Variants in GRM1 observed in about 807,000 individuals in gnomAD.
The protein encoded by GRM1 is glutamate metabotropic receptor 1.
A neutral mutation model predicts 90.9 loss-of-function variants in GRM1; 33 were observed. That is an observed-to-expected ratio of 0.36 (90% CI 0.28 to 0.49). The LOEUF (loss-of-function observed/expected upper bound fraction) is 0.49, where lower values mean the gene tolerates loss of function less well. Ranked by LOEUF, GRM1 falls within the 20% of genes least tolerant of loss-of-function variation. The pLI is 0.99. For synonymous variants in GRM1, 700 were observed against 613.2 expected (o/e 1.14, Z -2.09); for missense variants, 1,190 against 1,534.3 (o/e 0.78, Z 3.75).
At chr6:146,212,343 C>T (rs1466314707) in intron 2 of GRM1, among the ~76,000 whole-genome samples, 1 of 152,196 alleles carries the variant, frequency 6.6e-6, no homozygotes, top group Non-Finnish European at 1.5e-5. Context: ...TTTATTCAAA[C>T]AGGGCTTATC....
chr6:146,314,051 CTTTTT>C (rs552986343), intron 3 of GRM1, among the ~76,000 whole-genome samples: 5 of 61,996 alleles, frequency 8.1e-5, no homozygotes, highest in South Asian at 6.3e-4. Context: ...TAGTTAATTC[CTTTTT>C]TTTTTTTTTT....
chr6:146,335,134 A>ACGGGAAGATTTTT (rs1784724645), intron 3 of GRM1, among the ~76,000 whole-genome samples: 1 of 152,206 alleles, frequency 6.6e-6, no homozygotes, highest in South Asian at 2.1e-4. Flanking sequence ...CCGTTGACTG[A>ACGGGAAGATTTTT]CATCTTACAA....
intron 2 of GRM1, among the ~76,000 whole-genome samples, chr6:146,172,725 G>A (rs904763451): frequency 6.6e-6 from 1 of 152,124 alleles, no homozygotes; most frequent in South Asian, 2.1e-4. Flanking sequence ...TTTCCACAAG[G>A]CAGCATATGA....
At chr6:146,338,003 G>C (rs373955755) in intron 3 of GRM1, among the ~76,000 whole-genome samples, 1 of 152,088 alleles carries the variant, frequency 6.6e-6, no homozygotes, top group Non-Finnish European at 1.5e-5. Context: ...ATTTTTCCTG[G>C]GGGGAAATTT....
intron 2 of GRM1, among the ~76,000 whole-genome samples, chr6:146,210,108 T>A (rs750277600): frequency 6.6e-6 from 1 of 152,190 alleles, no homozygotes; most frequent in African/African-American, 2.4e-5. Context: ...TAGGAGTCTC[T>A]TGGCTTTTAT....
intron 2 of GRM1, among the ~76,000 whole-genome samples, chr6:146,207,610 T>C (rs754313260): frequency 2.6e-5 from 4 of 152,138 alleles, no homozygotes; most frequent in Non-Finnish European, 5.9e-5. Flanking sequence ...AGAGGAGTAA[T>C]GGGCAGGAAA....
chr6:146,166,984 G>A (rs572244276), intron 2 of GRM1, among the ~76,000 whole-genome samples: 8 of 152,070 alleles, frequency 5.3e-5, no homozygotes, highest in South Asian at 2.1e-4. Context: ...ATAACTCTAC[G>A]CAGTGACATA....
intron 1 of GRM1, among the ~76,000 whole-genome samples, chr6:146,032,957 T>G (rs1790759811): frequency 1.3e-5 from 2 of 152,182 alleles, no homozygotes; most frequent in Admixed American, 1.3e-4. Flanking sequence ...ATTTTCTGTT[T>G]TGTTTTGTGT....
intron 1 of GRM1, among the ~76,000 whole-genome samples, chr6:146,076,941 T>G (rs1645115734): frequency 6.6e-6 from 1 of 152,106 alleles, no homozygotes. Flanking sequence ...CTTCCCTTCT[T>G]CACAGGAAGC....
chr6:146,402,274 G>A (rs759025306), intron 7 of GRM1, among the ~76,000 whole-genome samples: 4 of 152,184 alleles, frequency 2.6e-5, no homozygotes, highest in Non-Finnish European at 5.9e-5. Context: ...CTGACCCAGA[G>A]AGGGTATTTG....
intron 1 of GRM1, among the ~76,000 whole-genome samples, chr6:146,099,836 T>C (rs1334260008): frequency 6.6e-6 from 1 of 152,230 alleles, no homozygotes; most frequent in Non-Finnish European, 1.5e-5. Context: ...ATTTTGGGGC[T>C]ATTTTGAACA....
intron 2 of GRM1, among the ~76,000 whole-genome samples, chr6:146,161,988 G>T (rs1384472386): frequency 6.6e-6 from 1 of 152,128 alleles, no homozygotes; most frequent in Non-Finnish European, 1.5e-5. Context: ...CCTAAATGCT[G>T]CTCTGTCACT....
intron 1 of GRM1, among the ~76,000 whole-genome samples, chr6:146,084,398 G>A (rs147314031): frequency 4.0e-5 from 6 of 151,736 alleles, no homozygotes; most frequent in African/African-American, 9.7e-5. Flanking sequence ...CCCTCTTAAC[G>A]CTGCTTTAGC....
At chr6:146,037,315 G>T (rs1441904081) in intron 1 of GRM1, among the ~76,000 whole-genome samples, 1 of 151,850 alleles carries the variant, frequency 6.6e-6, no homozygotes, top group Non-Finnish European at 1.5e-5. Context: ...TTAAGATAAA[G>T]GTGTAGCATC....
chr6:146,428,065 G>C (rs989821501), intron 7 of GRM1, among the ~76,000 whole-genome samples: 1 of 152,198 alleles, frequency 6.6e-6, no homozygotes, highest in African/African-American at 2.4e-5. Context: ...GTAACAGTCA[G>C]CAAAGCTAAC....
chr6:146,095,319 C>T (rs1183417162), intron 1 of GRM1, among the ~76,000 whole-genome samples: 2 of 152,106 alleles, frequency 1.3e-5, no homozygotes, highest in African/African-American at 2.4e-5. Context: ...AGATTGATCA[C>T]TTTAAGGCAG....
intron 2 of GRM1, among the ~76,000 whole-genome samples, chr6:146,303,720 C>G (rs115417287): frequency 0.011 from 1,627 of 152,262 alleles, 23 homozygotes; most frequent in African/African-American, 0.037. Flanking sequence ...TCACCCGGGA[C>G]TAAAAACCTT....
At chr6:146,086,657 C>G (rs900191354) in intron 1 of GRM1, among the ~76,000 whole-genome samples, 2 of 151,878 alleles carry the variant, frequency 1.3e-5, no homozygotes, top group Non-Finnish European at 2.9e-5. Flanking sequence ...ATCATTAATG[C>G]GTCCTGCTCT....
At chr6:146,149,598 T>A (rs538167558) in intron 1 of GRM1, among the ~76,000 whole-genome samples, 1 of 152,316 alleles carries the variant, frequency 6.6e-6, no homozygotes, top group African/African-American at 2.4e-5. Context: ...GAAAATACTT[T>A]AGGGTTATCC....
Sources: gnomAD v4.1 joint callset for allele counts (sites outside exome capture counted in the v4.1 genomes callset) on GRCh38, gnomAD v4.1.1 for gene constraint, MANE v1.5 for transcripts, NCBI Gene and HGNC (gene_info 2026-07-23, HGNC 2026-07-21) for gene names.